Variants in ERG observed in about 807,000 individuals in gnomAD.
ERG encodes ETS transcription factor ERG.
A neutral mutation model predicts 55.3 loss-of-function variants in ERG; 9 were observed. That is an observed-to-expected ratio of 0.16 (90% confidence interval 0.10 to 0.28). The LOEUF (loss-of-function observed/expected upper bound fraction) is 0.28. ERG is among the 10% of genes least tolerant of loss of function. ERG has a pLI of 1.00. For missense variants in ERG, 434 were observed against 631.6 expected (o/e 0.69, Z 3.35); for synonymous variants, 223 against 237.3 (o/e 0.94, Z 0.55).
At chr21:38,594,250 T>C (rs2060118383) in intron 1 of ERG, among the ~76,000 whole-genome samples, 11 of 152,150 alleles carry the variant, frequency 7.2e-5, no homozygotes. Flanking sequence ...TCATTTGTAC[T>C]GGACACAATT....
At chr21:38,443,071 T>C (rs995271009) in intron 2 of ERG, among the ~76,000 whole-genome samples, 13 of 152,344 alleles carry the variant, frequency 8.5e-5, no homozygotes, top group African/African-American at 3.1e-4. Flanking sequence ...CCTCCCAGAG[T>C]GCTGGGATTA....
chr21:38,415,660 T>A (rs62217904), intron 3 of ERG, among the ~76,000 whole-genome samples: 9,924 of 152,202 alleles, frequency 0.065, 443 homozygotes, highest in Non-Finnish European at 0.099. Flanking sequence ...GTTCTGGGCC[T>A]GAGAATAGGC....
intron 1 of ERG, among the ~76,000 whole-genome samples, chr21:38,631,781 C>T (rs575643614): frequency 6.6e-6 from 1 of 152,130 alleles, no homozygotes; most frequent in Non-Finnish European, 1.5e-5. Context: ...GCTCAACCCT[C>T]CTGGCATCTC....
chr21:38,579,751 A>G (rs1042477386), intron 1 of ERG, among the ~76,000 whole-genome samples: 1 of 151,798 alleles, frequency 6.6e-6, no homozygotes, highest in African/African-American at 2.4e-5. Flanking sequence ...CGAAAACCCA[A>G]CGGACCTAAA....
At position 38,435,528 on chromosome 21, in the gene ERG, T is replaced by C. The variant is rs115820649; in HGVS notation, c.236+9876A>G. On this transcript the variant is annotated intron_variant, in intron 2 of 9. Coordinates refer to ENST00000288319, the MANE Select transcript of ERG (RefSeq NM_182918.4). ...TGTTATTTTTACCCTTACTAAATAT[T>C]CTCTCTTACACCTGGAATTTCAGCC... 6.6e-3 allele frequency among the ~76,000 whole-genome samples: 1,010 copies of C among 152,258 alleles called. 12 individuals are homozygous for C. Among genetic ancestry groups the C allele is most frequent in the African/African-American group, 0.023 (966 of 41,538 alleles).
the ERG span, among the ~76,000 whole-genome samples, chr21:38,371,120 T>G: frequency 6.6e-6 from 1 of 152,112 alleles, no homozygotes; most frequent in Non-Finnish European, 1.5e-5. Flanking sequence ...CCCATAAAGC[T>G]CTTGCATATC....
At chr21:38,510,357 A>C (rs1415774089) in intron 2 of ERG, among the ~76,000 whole-genome samples, 1 of 152,202 alleles carries the variant, frequency 6.6e-6, no homozygotes, top group Non-Finnish European at 1.5e-5. Context: ...GAAAGCATTA[A>C]TGCGTCTCAC....
At chr21:38,554,933 G>T (rs936987504) in intron 2 of ERG, among the ~76,000 whole-genome samples, 23 of 151,372 alleles carry the variant, frequency 1.5e-4, no homozygotes, top group African/African-American at 5.6e-4. Context: ...AACACAGAAA[G>T]AAAATACAGA....
intron 1 of ERG, among the ~76,000 whole-genome samples, chr21:38,633,325 A>G (rs186995904): frequency 2.0e-3 from 312 of 152,306 alleles, no homozygotes; most frequent in Non-Finnish European, 2.5e-3. Flanking sequence ...GAAAATACTT[A>G]ACACTACTGA....
At chr21:38,604,179 G>A (rs113408185) in intron 1 of ERG, among the ~76,000 whole-genome samples, 10,683 of 151,292 alleles carry the variant, frequency 0.071, 677 homozygotes, top group African/African-American at 0.17. Context: ...GCGTGAACCC[G>A]GGAGGCGGAG....
intron 1 of ERG, among the ~76,000 whole-genome samples, chr21:38,618,074 T>C (rs1009903036): frequency 6.6e-6 from 1 of 152,066 alleles, no homozygotes; most frequent in African/African-American, 2.4e-5. Flanking sequence ...CACTTGACAA[T>C]GGGAATGGGG....
chr21:38,597,052 G>A (rs950025793), intron 1 of ERG, among the ~76,000 whole-genome samples: 1 of 152,152 alleles, frequency 6.6e-6, no homozygotes, highest in Non-Finnish European at 1.5e-5. Flanking sequence ...CTTTTTAATG[G>A]TAATATCTTC....
rs576602704 is a variant in ERG at position 38,631,831 on chromosome 21, G to A, written c.-150+29827C>T. 9.2e-5 allele frequency among the ~76,000 whole-genome samples: 14 copies of A among 152,034 alleles called. No individual in the cohort carries two copies. The South Asian group carries it at 2.3e-3, about 25-fold the overall frequency. ...GTTTGTGGCTCAAGTCAGGAAGCAC[G>A]TCAGCCCTGAGACCTGCAAACCGAA... On this transcript the variant is annotated intron_variant, in intron 1 of 10. Coordinates refer to the ERG transcript ENST00000398910.
chr21:38,529,104 G>A (rs1381899834), intron 2 of ERG, among the ~76,000 whole-genome samples: 5 of 152,102 alleles, frequency 3.3e-5, no homozygotes, highest in African/African-American at 4.8e-5. Flanking sequence ...GGTGCTGGAG[G>A]CAGGTGAGAT....
At chr21:38,650,213 C>T (rs1301897484) in intron 1 of ERG, among the ~76,000 whole-genome samples, 6 of 152,260 alleles carry the variant, frequency 3.9e-5, no homozygotes, top group South Asian at 2.1e-4. Context: ...GAACCACAGA[C>T]GAGAAATTTG....
intron 9 of ERG, among the ~76,000 whole-genome samples, chr21:38,390,176 G>A (rs1214226965): frequency 6.6e-6 from 1 of 152,190 alleles, no homozygotes; most frequent in African/African-American, 2.4e-5. Context: ...CTATGTGGTT[G>A]GCACTGAAAC....
intron 1 of ERG, among the ~76,000 whole-genome samples, chr21:38,650,353 T>A (rs1364281103): frequency 6.6e-6 from 1 of 152,190 alleles, no homozygotes; most frequent in East Asian, 1.9e-4. Context: ...AAGAGTAGCA[T>A]AGGCTGGGCA....
Position 38,383,691 on chromosome 21 carries a change from C to T in ERG, c.1152G>A (p.Lys384=), listed in dbSNP as rs761595761. ...DKNIMTKVHG[K]RYAYKFDFHG... ...GGAAGTCGAACTTGTAGGCGTAGCG[C>T]TTCCCATGGACCTTGGTCATGATGT... Residue 384 remains lysine, a synonymous_variant, in exon 10 of 10, where the codon AAG becomes AAA. Coordinates refer to ENST00000288319, the MANE Select transcript of ERG (RefSeq NM_182918.4). This position sits in a 1 kb window ranked among gnomAD's most constrained non-coding sequence, Gnocchi z 5.7. 1.2e-6 allele frequency: 2 copies of T among 1,614,160 alleles called. No individual in the cohort carries two copies. The highest frequency in any genetic ancestry group is 1.7e-6 in the Non-Finnish European group (2 of 1,180,040).
chr21:38,485,609 G>A (rs548702004), intron 1 of ERG, among the ~76,000 whole-genome samples: 290 of 151,884 alleles, frequency 1.9e-3, no homozygotes, highest in African/African-American at 6.3e-3. Flanking sequence ...ACAGGCATGC[G>A]CCACCATGCC....
Sources: gnomAD v4.1 joint callset for allele counts (sites outside exome capture counted in the v4.1 genomes callset) on GRCh38, gnomAD v4.1.1 for gene constraint, Gnocchi (gnomAD v3.1) non-coding constraint, MANE v1.5 for transcripts, NCBI Gene and HGNC (gene_info 2026-07-23, HGNC 2026-07-21) for gene names.